The following TNFSF4 variants were observed in gnomAD, a reference collection of about 807,000 sequenced individuals.
TNFSF4 encodes the protein tumor necrosis factor ligand superfamily member 4.
TNFSF4 carries 4 observed loss-of-function variants against 7.3 expected under a neutral mutation model. That is an observed-to-expected ratio of 0.55 (90% confidence interval 0.27 to 1.25). TNFSF4 has a LOEUF of 1.25. TNFSF4 is among the 50% of genes most tolerant of loss of function. TNFSF4 has a pLI of 0.12. For synonymous variants in TNFSF4, 76 were observed against 83.7 expected, an observed-to-expected ratio of 0.91 and a Z score of 0.50; for missense variants, 181 against 208.8, an observed-to-expected ratio of 0.87 and a Z score of 0.82.
At chr1:173,269,453 C>T in the TNFSF4 span, among the ~76,000 whole-genome samples, 5 of 152,096 alleles carry the variant, frequency 3.3e-5, no homozygotes, top group Non-Finnish European at 5.9e-5. Context: ...TTAAAAGAAG[C>T]ACTTTACAGC....
the TNFSF4 span, among the ~76,000 whole-genome samples, chr1:173,356,252 C>T: frequency 6.6e-6 from 1 of 152,108 alleles, no homozygotes; most frequent in Non-Finnish European, 1.5e-5. Context: ...ACTCAGATCT[C>T]AGAAGAGGCA....
chr1:173,441,551 G>A, the TNFSF4 span, among the ~76,000 whole-genome samples: 1 of 152,176 alleles, frequency 6.6e-6, no homozygotes, highest in Non-Finnish European at 1.5e-5. Context: ...TTGAACCCGG[G>A]AGGTGGAGGT....
the TNFSF4 span, among the ~76,000 whole-genome samples, chr1:173,340,794 T>A: frequency 6.6e-6 from 1 of 152,062 alleles, no homozygotes; most frequent in African/African-American, 2.4e-5. Flanking sequence ...CTTTCCTTCT[T>A]TGTCCATTAT....
the TNFSF4 span, among the ~76,000 whole-genome samples, chr1:173,322,887 G>A: frequency 1.3e-5 from 2 of 152,200 alleles, no homozygotes; most frequent in African/African-American, 4.8e-5. Flanking sequence ...AAAGCGGCAG[G>A]GAAGCTCGAA....
the TNFSF4 span, among the ~76,000 whole-genome samples, chr1:173,443,386 T>C: frequency 6.6e-6 from 1 of 152,188 alleles, no homozygotes; most frequent in South Asian, 2.1e-4. Context: ...CTCACATACA[T>C]GCATACAATG....
the TNFSF4 span, among the ~76,000 whole-genome samples, chr1:173,285,844 G>A: frequency 1.3e-4 from 20 of 152,154 alleles, no homozygotes; most frequent in Non-Finnish European, 2.5e-4. Context: ...AAAAATGCAT[G>A]TGACTGTCCT....
the TNFSF4 span, among the ~76,000 whole-genome samples, chr1:173,287,571 C>A: frequency 6.6e-6 from 1 of 152,130 alleles, no homozygotes; most frequent in East Asian, 1.9e-4. Context: ...TACTACTGGG[C>A]ATTTATCAAT....
the TNFSF4 span, among the ~76,000 whole-genome samples, chr1:173,287,421 C>T: frequency 1.3e-5 from 2 of 152,234 alleles, no homozygotes; most frequent in East Asian, 3.9e-4. Context: ...ATAGACAATG[C>T]CAAGTGTTGA....
At chr1:173,435,867 T>C in the TNFSF4 span, among the ~76,000 whole-genome samples, 1 of 152,240 alleles carries the variant, frequency 6.6e-6, no homozygotes, top group Non-Finnish European at 1.5e-5. Context: ...TAGTGTCCTT[T>C]CCTCATTTTC....
At chr1:173,247,110 C>A in the TNFSF4 span, among the ~76,000 whole-genome samples, 1 of 152,124 alleles carries the variant, frequency 6.6e-6, no homozygotes, top group Admixed American at 6.6e-5. Flanking sequence ...GGCAATAAAG[C>A]AAAATGTGTC....
the TNFSF4 span, among the ~76,000 whole-genome samples, chr1:173,438,058 TCCATTCAGAAACATGGTATGTCCC>T: frequency 1.4e-4 from 21 of 152,254 alleles, 1 homozygote; most frequent in East Asian, 4.1e-3. Flanking sequence ...ACTGAATCTT[TCCATTCAGAAACATGGTATGTCCC>T]CCAGTAAAAA....
chr1:173,208,174 A>G (rs145412224), upstream of TNFSF4, among the ~76,000 whole-genome samples: 1,087 of 152,320 alleles, frequency 7.1e-3, 10 homozygotes, highest in Non-Finnish European at 0.012. Flanking sequence ...TAAAATAAAC[A>G]ATGAAATGAA....
the TNFSF4 span, among the ~76,000 whole-genome samples, chr1:173,398,909 T>C: frequency 5.9e-5 from 9 of 152,276 alleles, no homozygotes; most frequent in South Asian, 1.2e-3. Context: ...TCCAGACCAA[T>C]TAACACTTGA....
At chr1:173,232,641 C>T in the TNFSF4 span, among the ~76,000 whole-genome samples, 1 of 152,104 alleles carries the variant, frequency 6.6e-6, no homozygotes. Flanking sequence ...GAGATACGTT[C>T]CATCAATACC....
chr1:173,448,835 G>A, the TNFSF4 span, among the ~76,000 whole-genome samples: 9 of 152,202 alleles, frequency 5.9e-5, no homozygotes, highest in Non-Finnish European at 1.5e-5. Context: ...CAGGGGATGC[G>A]ATGGCTTGGC....
At chr1:173,296,609 G>C in the TNFSF4 span, among the ~76,000 whole-genome samples, 1 of 151,816 alleles carries the variant, frequency 6.6e-6, no homozygotes, top group Non-Finnish European at 1.5e-5. Flanking sequence ...TGAGGGGTAG[G>C]GAGACAAAAG....
the TNFSF4 span, among the ~76,000 whole-genome samples, chr1:173,415,716 C>G: frequency 1.3e-5 from 2 of 152,236 alleles, no homozygotes; most frequent in Non-Finnish European, 2.9e-5. Context: ...CAATGGCTCC[C>G]TCACAGGTGC....
chr1:173,280,000 A>G, the TNFSF4 span, among the ~76,000 whole-genome samples: 1 of 151,938 alleles, frequency 6.6e-6, no homozygotes, highest in Non-Finnish European at 1.5e-5. Context: ...TCTCTTTTCA[A>G]ACTTCTTGGT....
At chr1:173,312,984 C>G in the TNFSF4 span, among the ~76,000 whole-genome samples, 1 of 152,114 alleles carries the variant, frequency 6.6e-6, no homozygotes, top group Non-Finnish European at 1.5e-5. Context: ...GCCCCACTTA[C>G]AGGGACAGAT....
Sources: allele counts gnomAD v4.1 joint callset (sites outside exome capture counted in the v4.1 genomes callset), GRCh38; gene constraint gnomAD v4.1.1; transcripts MANE v1.5; gene names NCBI Gene and HGNC (gene_info 2026-07-23, HGNC 2026-07-21).